Variants in SHOC1 observed in about 807,000 individuals in gnomAD.
The protein encoded by SHOC1 is protein shortage in chiasmata 1 ortholog.
A neutral mutation model predicts 179.2 loss-of-function variants in SHOC1; 136 were observed. The ratio of observed to expected loss-of-function variants is 0.76; its 90% confidence interval spans 0.66 to 0.87. SHOC1 has a LOEUF of 0.87. SHOC1 is among the 40% of genes least tolerant of loss of function. SHOC1 has a pLI of 0.00. For synonymous variants in SHOC1, 489 were observed against 586.6 expected (o/e 0.83, Z 2.41); for missense variants, 1,538 against 1,700.8 (o/e 0.90, Z 1.68).
At position 111,756,327 on chromosome 9, in the gene SHOC1, C is replaced by A; in HGVS notation, c.860G>T (p.Arg287Ile). Residue 287 changes from arginine (R) to isoleucine (I), a missense_variant and splice_region_variant, in exon 8 of 28, where the codon AGA becomes ATA. Transcript: ENST00000682961. Reference sequence around the variant, plus strand: ...TACATTTTACAATTAATTCTCACCTCTTTCAAAAAGCTTTTCCTTTTCATC... The same window carrying A: ...TACATTTTACAATTAATTCTCACCTATTTCAAAAAGCTTTTCCTTTTCATC... The part of the protein sequence containing the change: ...YVDEKEKLFE[R>I]DLTNKHGIED... 6.3e-7 allele frequency: 1 copy of A among 1,590,642 alleles called. No individual in the cohort carries two copies. Among genetic ancestry groups the A allele is most frequent in the Non-Finnish European group, 8.5e-7 (1 of 1,171,694 alleles).
chr9:111,773,382 G>A (rs560463568), intron 5 of SHOC1, among the ~76,000 whole-genome samples: 1 of 151,662 alleles, frequency 6.6e-6, no homozygotes. Flanking sequence ...GTGTGATCTC[G>A]GCTCATGGCA....
chr9:111,769,725 C>T (rs139936740), intron 5 of SHOC1, among the ~76,000 whole-genome samples: 4 of 152,288 alleles, frequency 2.6e-5, no homozygotes, highest in Non-Finnish European at 5.9e-5. Context: ...CCACCTCAGC[C>T]TCTCAGAGTG....
Position 111,692,204 on chromosome 9 carries a change from G to T in SHOC1, c.3773C>A (p.Ser1258Tyr), listed in dbSNP as rs1310669955. 3 of 1,613,656 alleles carry T rather than the reference G, an allele frequency of 1.9e-6. No homozygotes were observed. The Admixed American group carries it at 5.0e-5, about 27-fold the overall frequency. ...CTGCCCTATATTAGATTTACAGCTG[G>T]AGTCTTTCCAGTAGCTGGTCTGATT... ...SYNQTSYWKD[S>Y]SCKSNIGQNT... Residue 1258 changes from serine to tyrosine, a missense_variant, in exon 27 of 28, where the codon TCC (serine) becomes TAC (tyrosine). Coordinates refer to ENST00000682961, the MANE Select transcript of SHOC1 (RefSeq NM_001378211.1).
At chr9:111,706,990 C>T (rs1196850068) in intron 19 of SHOC1, among the ~76,000 whole-genome samples, 1 of 151,996 alleles carries the variant, frequency 6.6e-6, no homozygotes, top group African/African-American at 2.4e-5. Flanking sequence ...TTCATATCCT[C>T]AAATGGGAGA....
At position 111,756,203 on chromosome 9, in the gene SHOC1, G is replaced by A. The variant is rs920735726; in HGVS notation, c.862+122C>T. On this transcript the variant is annotated intron_variant, in intron 8 of 27. Transcript: ENST00000682961. ...AAAAATAATCCTGAGATTTCAACAT[G>A]TAACTTGCAGAACATTTTTGCAAAA... 2.5e-5 allele frequency: 15 copies of A among 589,410 alleles called. 1 individual carries two copies. 36.5% of individuals were successfully genotyped at this position (589,410 alleles called of 1,614,324 possible). A position where few individuals can be genotyped will look rare whatever the true frequency, so the allele number is the denominator to read the frequency against.
intron 8 of SHOC1, among the ~76,000 whole-genome samples, chr9:111,753,115 AG>A (rs1191534416): frequency 6.6e-6 from 1 of 152,214 alleles, no homozygotes; most frequent in East Asian, 1.9e-4. Context: ...TTATCTACCT[AG>A]TTTTTTAAAC....
intron 4 of SHOC1, among the ~76,000 whole-genome samples, chr9:111,779,108 A>G (rs2131627256): frequency 9.9e-6 from 1 of 100,586 alleles, no homozygotes; most frequent in African/African-American, 3.8e-5. Context: ...CAAAAAAAAA[A>G]AAAAAAAGAG....
chr9:111,784,952 A>T (rs1836208904), intron 3 of SHOC1, among the ~76,000 whole-genome samples: 1 of 152,200 alleles, frequency 6.6e-6, no homozygotes, highest in Non-Finnish European at 1.5e-5. Flanking sequence ...GGGGGACACA[A>T]ACATTCAGTC....
chr9:111,694,480 A>C, intron 24 of SHOC1, 118 bp from the exon 25 acceptor site: 1 of 679,762 alleles, frequency 1.5e-6, no homozygotes, highest in Non-Finnish European at 2.3e-6. Flanking sequence ...ATCTAATTTT[A>C]GATAGAAACT....
At chr9:111,752,009 C>G (rs1489993282) in intron 8 of SHOC1, among the ~76,000 whole-genome samples, 1 of 152,162 alleles carries the variant, frequency 6.6e-6, no homozygotes, top group African/African-American at 2.4e-5. Flanking sequence ...TGTAAAATGA[C>G]TATCTGAAGG....
intron 13 of SHOC1, 52 bp from the exon 14 acceptor site, chr9:111,723,963 T>C (rs1464852023): frequency 2.2e-6 from 3 of 1,339,998 alleles, no homozygotes; most frequent in Non-Finnish European, 3.0e-6. Flanking sequence ...AGAAACTTAA[T>C]GTTGTTTTAC....
intron 10 of SHOC1, among the ~76,000 whole-genome samples, chr9:111,742,268 T>C (rs1834078707): frequency 6.6e-6 from 1 of 152,204 alleles, no homozygotes; most frequent in African/African-American, 2.4e-5. Flanking sequence ...ATTACCATGC[T>C]TACCATGCAC....
At chr9:111,702,357 C>A in intron 22 of SHOC1, 131 bp from the exon 23 acceptor site, 1 of 603,034 alleles carries the variant, frequency 1.7e-6, no homozygotes. Flanking sequence ...GCCCCCATTT[C>A]ATGGAAAAAT....
intron 12 of SHOC1, among the ~76,000 whole-genome samples, chr9:111,736,618 G>A (rs1374920906): frequency 1.3e-5 from 2 of 152,088 alleles, no homozygotes; most frequent in Non-Finnish European, 2.9e-5. Context: ...AATCATAGAG[G>A]AAAACCTAGG....
chr9:111,704,013 G>A, intron 21 of SHOC1, 21 bp from the exon 22 acceptor site: 1 of 1,302,348 alleles, frequency 7.7e-7, no homozygotes, highest in Non-Finnish European at 1.1e-6. Flanking sequence ...CAATATTCTT[G>A]AGTGAAAAAA....
At position 111,691,956 on chromosome 9, in the gene SHOC1, C is replaced by G. The variant is rs758938674; in HGVS notation, c.4021G>C (p.Asp1341His). The change falls in exon 27 of 28, where the codon GAT (aspartate) becomes CAT (histidine). Residue 1341 changes from aspartate to histidine, a missense_variant. Asp to His is a moderately conservative substitution (Grantham distance 81). Coordinates refer to ENST00000682961, the MANE Select transcript of SHOC1 (RefSeq NM_001378211.1). ...AGTGAAAAGATAGGGTCCGATACAT[C>G]TTTATTTATGAAACCTTTTGCTTCA... ...THEAKGFINK[D>H]VSDPIFSLEG... 83 of 1,613,728 alleles carry G rather than the reference C, an allele frequency of 5.1e-5. No individual in the cohort carries two copies. Among genetic ancestry groups the G allele is most frequent in the Non-Finnish European group, 7.0e-5 (83 of 1,179,878 alleles).
chr9:111,786,503 ATTTTTTTTTTT>A (rs34413616), intron 2 of SHOC1, among the ~76,000 whole-genome samples: 3 of 110,270 alleles, frequency 2.7e-5, no homozygotes, highest in East Asian at 2.8e-4. Context: ...TGCTCTGCAG[ATTTTTTTTTTT>A]TTTTTTTTTT....
intron 5 of SHOC1, among the ~76,000 whole-genome samples, chr9:111,765,089 C>T (rs912357737): frequency 9.5e-5 from 14 of 148,120 alleles, no homozygotes; most frequent in Admixed American, 2.0e-4. Flanking sequence ...TGCTGTGAGC[C>T]GAGATCACGC....
Position 111,692,058 on chromosome 9 carries a change from T to C in SHOC1, c.3919A>G (p.Ile1307Val). ...TTCTGAGTGTCAGTTGGTGATTTTATAGTTTCACAGTTCATTTGTGTTAGA... is the reference window on the plus strand; with the variant it reads ...TTCTGAGTGTCAGTTGGTGATTTTACAGTTTCACAGTTCATTTGTGTTAGA... ...LGLTQMNCET[I>V]KSPTDTQKRV... Residue 1307 changes from isoleucine (I) to valine (V), a missense_variant, in exon 27 of 28, where the codon ATA becomes GTA. Ile to Val is a conservative substitution (Grantham distance 29, BLOSUM62 3). Transcript: ENST00000682961. The C allele has an allele frequency of 6.2e-7, 1 of 1,613,890 alleles. No homozygotes were observed. Among genetic ancestry groups the C allele is most frequent in the Non-Finnish European group, 8.5e-7 (1 of 1,179,894 alleles).
Sources: allele counts gnomAD v4.1 joint callset (sites outside exome capture counted in the v4.1 genomes callset), GRCh38; gene constraint gnomAD v4.1.1; transcripts MANE v1.5; gene names NCBI Gene and HGNC (gene_info 2026-07-23, HGNC 2026-07-21).